AFF2: variants seen among roughly 807,000 people sequenced by gnomAD.
AFF2 encodes the protein AF4/FMR2 family member 2.
AFF2 carries 14 observed loss-of-function variants against 76.9 expected under a neutral mutation model. The observed-to-expected ratio is 0.18, with a 90% CI of 0.12 to 0.28. AFF2 has a LOEUF of 0.28. AFF2 is among the 10% of genes least tolerant of loss of function. AFF2 has a pLI of 1.00. For synonymous variants in AFF2, 398 were observed against 366.7 expected (o/e 1.09, Z -0.98); for missense variants, 868 against 1,001.1 (o/e 0.87, Z 1.79).
intron 3 of AFF2, among the ~76,000 whole-genome samples, chrX:148,766,993 G>A (rs2069527702): frequency 9.0e-6 from 1 of 111,056 alleles, no homozygotes; most frequent in Non-Finnish European, 1.9e-5. Context: ...TCTAAGGGCT[G>A]GGGTAAAGGG....
chrX:148,993,029 G>GCACT lies in AFF2; in HGVS notation c.*1699_*1702dup, dbSNP rs1239540651. The GCACT allele has an allele frequency of 1.8e-5, 2 of 112,803 alleles. No homozygotes were observed. The highest frequency in any genetic ancestry group is 3.7e-5 in the Non-Finnish European group (2 of 53,342). 9.3% of individuals were successfully genotyped at this position (112,803 alleles called of 1,213,427 possible). ...GATAGAAACAGCAGGTGATGACTCT[G>GCACT]CACTCTCATTGTCAAGGTTAGATAT... On this transcript the variant is annotated 3_prime_UTR_variant, in exon 21 of 21. Coordinates refer to ENST00000370460, the MANE Select transcript of AFF2 (RefSeq NM_002025.4).
At chrX:148,539,504 C>G (rs1191032977) in intron 1 of AFF2, among the ~76,000 whole-genome samples, 1 of 110,679 alleles carries the variant, frequency 9.0e-6, no homozygotes, top group Non-Finnish European at 1.9e-5. Context: ...CACATGGTAG[C>G]TATTTATTAT....
intron 1 of AFF2, among the ~76,000 whole-genome samples, chrX:148,650,092 AC>A (rs1208351880): frequency 9.1e-6 from 1 of 110,151 alleles, no homozygotes; most frequent in Non-Finnish European, 1.9e-5. Flanking sequence ...CTCTACCCCC[AC>A]CCCCATAACA....
At chrX:148,861,431 A>G (rs2070846960) in intron 7 of AFF2, among the ~76,000 whole-genome samples, 1 of 112,047 alleles carries the variant, frequency 8.9e-6, no homozygotes, top group Non-Finnish European at 1.9e-5. Flanking sequence ...ATTGGTATTC[A>G]GCAAAAAAGG....
intron 1 of AFF2, among the ~76,000 whole-genome samples, chrX:148,597,154 C>T (rs1306661652): frequency 1.8e-5 from 2 of 111,336 alleles, no homozygotes; most frequent in African/African-American, 3.3e-5. Flanking sequence ...CTTGTGGGGC[C>T]TTGCAACAAA....
chrX:148,594,959 C>A (rs1014647708), intron 1 of AFF2, among the ~76,000 whole-genome samples: 3 of 111,674 alleles, frequency 2.7e-5, no homozygotes, highest in Non-Finnish European at 5.6e-5. Flanking sequence ...ACAGGGACTG[C>A]CAGTTTGCTT....
chrX:148,768,458 G>A (rs2069546704), intron 3 of AFF2, among the ~76,000 whole-genome samples: 1 of 110,670 alleles, frequency 9.0e-6, no homozygotes, highest in Non-Finnish European at 1.9e-5. Context: ...CGTGAAGCCT[G>A]CTGTTAACTA....
chrX:148,734,668 A>T (rs1007710931), intron 3 of AFF2, among the ~76,000 whole-genome samples: 1 of 112,347 alleles, frequency 8.9e-6, no homozygotes, highest in East Asian at 2.8e-4. Context: ...AATCTTAAAA[A>T]GTCTATCTCA....
intron 1 of AFF2, among the ~76,000 whole-genome samples, chrX:148,529,082 A>T (rs782065053): frequency 2.7e-5 from 3 of 112,525 alleles, no homozygotes; most frequent in Admixed American, 1.9e-4. Context: ...CAGATCTGAA[A>T]TATCATCAAT....
At chrX:148,946,338 T>C (rs1300077299) in intron 9 of AFF2, among the ~76,000 whole-genome samples, 4 of 112,368 alleles carry the variant, frequency 3.6e-5, no homozygotes, top group Admixed American at 2.8e-4. Context: ...GCTTATATGT[T>C]TGGACTTCTC....
intron 10 of AFF2, among the ~76,000 whole-genome samples, chrX:148,954,432 C>CAGAAA (rs1470670918): frequency 9.0e-6 from 1 of 111,302 alleles, no homozygotes; most frequent in Admixed American, 9.6e-5. Context: ...TTTCAATAAT[C>CAGAAA]AGAAAAGAAA....
At chrX:148,615,780 A>G (rs990445300) in intron 1 of AFF2, among the ~76,000 whole-genome samples, 4 of 111,418 alleles carry the variant, frequency 3.6e-5, no homozygotes, top group African/African-American at 6.5e-5. Context: ...AAAAATATCC[A>G]TCACAGCAAA....
intron 3 of AFF2, among the ~76,000 whole-genome samples, chrX:148,788,210 A>T (rs1395194827): frequency 8.9e-6 from 1 of 111,898 alleles, no homozygotes; most frequent in Non-Finnish European, 1.9e-5. Flanking sequence ...GGAGCTATAG[A>T]GACTGTTTAT....
intron 3 of AFF2, among the ~76,000 whole-genome samples, chrX:148,791,843 T>A (rs1052891879): frequency 9.0e-6 from 1 of 111,692 alleles, no homozygotes; most frequent in South Asian, 3.7e-4. Flanking sequence ...TATAACTTTA[T>A]GCTCATCAGA....
intron 1 of AFF2, among the ~76,000 whole-genome samples, chrX:148,578,770 A>G (rs956573996): frequency 1.1e-4 from 12 of 112,013 alleles, no homozygotes; most frequent in Non-Finnish European, 2.1e-4. Flanking sequence ...GGGCAAAAAT[A>G]TTTGAATATG....
At chrX:148,635,868 G>A (rs1461611843) in intron 1 of AFF2, among the ~76,000 whole-genome samples, 11 of 109,446 alleles carry the variant, frequency 1.0e-4, no homozygotes, top group African/African-American at 3.7e-4. Context: ...GAAGTAGGGG[G>A]GCCCACCACT....
intron 2 of AFF2, among the ~76,000 whole-genome samples, chrX:148,657,783 A>T (rs781965472): frequency 4.4e-5 from 5 of 112,542 alleles, no homozygotes; most frequent in Admixed American, 1.9e-4. Flanking sequence ...TGAAAGAAGC[A>T]TATAATTGAT....
intron 1 of AFF2, among the ~76,000 whole-genome samples, chrX:148,584,985 C>A (rs1557245684): frequency 9.0e-6 from 1 of 111,706 alleles, no homozygotes; most frequent in Non-Finnish European, 1.9e-5. Context: ...AAAATTAAAT[C>A]TTTCCAAATT....
In AFF2 at chrX:148,561,148, A is replaced by G. The variant is rs60221493; in HGVS notation, c.47+60004A>G. On this transcript the variant is annotated intron_variant, in intron 1 of 20. Coordinates refer to ENST00000370460, the MANE Select transcript of AFF2 (RefSeq NM_002025.4). ...ATAATAAACATATTTGTTGATTGTT[A>G]AAAACCAAAACATGAGTGAATGAAT... Among the ~76,000 whole-genome samples the G allele has an allele frequency of 5.8e-3, 648 of 112,688 alleles. 8 individuals are homozygous for G. Among genetic ancestry groups the G allele is most frequent in the African/African-American group, 0.019 (605 of 31,064 alleles).
Sources: gnomAD v4.1 joint callset for allele counts (sites outside exome capture counted in the v4.1 genomes callset) on GRCh38, gnomAD v4.1.1 for gene constraint, MANE v1.5 for transcripts, NCBI Gene and HGNC (gene_info 2026-07-23, HGNC 2026-07-21) for gene names.